Variants in NAALADL2 observed in about 807,000 individuals in gnomAD.
NAALADL2 encodes N-acetylated alpha-linked acidic dipeptidase like 2.
A neutral mutation model predicts 87.2 loss-of-function variants in NAALADL2; 76 were observed. That is an observed-to-expected ratio of 0.87 (90% CI 0.72 to 1.05). The LOEUF (loss-of-function observed/expected upper bound fraction) is 1.05, where lower values mean the gene tolerates loss of function less well. NAALADL2 is among the 50% of genes least tolerant of loss of function. NAALADL2 has a pLI of 0.00. For synonymous variants in NAALADL2, 354 were observed against 331.0 expected (o/e 1.07, Z -0.75); for missense variants, 1,089 against 945.8 (o/e 1.15, Z -1.99).
chr3:174,956,851 A>G (rs539555813), intron 1 of NAALADL2, among the ~76,000 whole-genome samples: 9 of 152,168 alleles, frequency 5.9e-5, no homozygotes, highest in African/African-American at 2.2e-4. Flanking sequence ...AATGAGGATT[A>G]CAAAGGAGAA....
At chr3:174,697,484 G>A (rs915005960) in intron 2 of NAALADL2, among the ~76,000 whole-genome samples, 1 of 151,964 alleles carries the variant, frequency 6.6e-6, no homozygotes, top group African/African-American at 2.4e-5. Context: ...AAGGTTGAAG[G>A]ATGCTTCTTT....
At chr3:174,878,317 C>T (rs146102386) in intron 1 of NAALADL2, among the ~76,000 whole-genome samples, 118 of 152,016 alleles carry the variant, frequency 7.8e-4, no homozygotes, top group Non-Finnish European at 1.5e-3. Context: ...CCATTTTTTT[C>T]TGAGCAATTT....
intron 1 of NAALADL2, among the ~76,000 whole-genome samples, chr3:174,549,899 T>G (rs890868765): frequency 1.3e-5 from 2 of 152,006 alleles, no homozygotes; most frequent in Non-Finnish European, 2.9e-5. Flanking sequence ...TTTTTGTTTT[T>G]TTTTTCCAAT....
At chr3:175,040,833 T>G (rs1352622789) in intron 1 of NAALADL2, among the ~76,000 whole-genome samples, 1 of 152,152 alleles carries the variant, frequency 6.6e-6, no homozygotes, top group Admixed American at 6.6e-5. Flanking sequence ...ATATACAATA[T>G]TTATTCTGCA....
intron 4 of NAALADL2, among the ~76,000 whole-genome samples, chr3:175,271,817 A>G (rs1345409520): frequency 1.3e-5 from 2 of 152,126 alleles, no homozygotes; most frequent in African/African-American, 4.8e-5. Context: ...ATTAAATTAA[A>G]AAGCCGCCAC....
intron 1 of NAALADL2, among the ~76,000 whole-genome samples, chr3:174,532,787 C>A (rs961566448): frequency 6.6e-6 from 1 of 152,044 alleles, no homozygotes; most frequent in East Asian, 1.9e-4. Context: ...CAAACTGTAT[C>A]CCCTGTTGAC....
rs1244400650 is a variant in NAALADL2, at chr3:175,718,195, G to GTTTTT, written c.1897-19087_1897-19083dup. The GTTTTT allele has an allele frequency of 1.1e-4, 90 of 823,386 alleles. 19 individuals are homozygous for GTTTTT. The highest frequency in any genetic ancestry group is 3.2e-4 in the African/African-American group (10 of 31,582). 51.0% of individuals were successfully genotyped at this position (823,386 alleles called of 1,614,324 possible). On this transcript the variant is annotated intron_variant, in intron 11 of 13. Transcript: ENST00000454872. ...TGGAGGGGAAGGGGAAGGGCCTGTG[G>GTTTTT]TTTTTTTTTTTTTTTTTTTTTTTTT...
intron 11 of NAALADL2, among the ~76,000 whole-genome samples, chr3:175,713,923 T>G (rs1740882616): frequency 6.6e-6 from 1 of 152,068 alleles, no homozygotes; most frequent in African/African-American, 2.4e-5. Flanking sequence ...ATGTTCCCCA[T>G]CCTATGTTCA....
At chr3:174,519,060 C>T (rs1720103898) in intron 1 of NAALADL2, among the ~76,000 whole-genome samples, 1 of 152,158 alleles carries the variant, frequency 6.6e-6, no homozygotes, top group Non-Finnish European at 1.5e-5. Context: ...CTGTCTCCAT[C>T]ACCTACCACC....
At chr3:174,970,383 A>T (rs971951957) in intron 1 of NAALADL2, among the ~76,000 whole-genome samples, 9 of 152,348 alleles carry the variant, frequency 5.9e-5, no homozygotes, top group African/African-American at 2.2e-4. Context: ...TCATTAAATA[A>T]AAACAGACTA....
Position 175,146,026 on chromosome 3 carries a change from T to C in NAALADL2, c.545+48735T>C, listed in dbSNP as rs115984736. Among the ~76,000 whole-genome samples, 1,228 of 152,230 alleles carry C rather than the reference T, an allele frequency of 8.1e-3. 20 individuals are homozygous for C. The highest frequency in any genetic ancestry group is 0.027 in the African/African-American group (1,139 of 41,562). Reference sequence around the variant, plus strand: ...ATGTAATTCTCAGTTTCCACCTTTGTCAGAATTCTCACTGTAGAAAATGTG... The same window carrying C: ...ATGTAATTCTCAGTTTCCACCTTTGCCAGAATTCTCACTGTAGAAAATGTG... On this transcript the variant is annotated intron_variant, in intron 2 of 13. Coordinates refer to ENST00000454872, the MANE Select transcript of NAALADL2 (RefSeq NM_207015.3).
intron 1 of NAALADL2, among the ~76,000 whole-genome samples, chr3:175,038,456 T>C (rs775663957): frequency 6.6e-6 from 1 of 152,152 alleles, no homozygotes; most frequent in South Asian, 2.1e-4. Context: ...GTACACACAA[T>C]TGCAAGTTGT....
chr3:175,678,115 G>C (rs1211222992), intron 11 of NAALADL2, among the ~76,000 whole-genome samples: 1 of 152,084 alleles, frequency 6.6e-6, no homozygotes, highest in African/African-American at 2.4e-5. Context: ...TCATGTCAGA[G>C]GTTAAGTTTT....
In NAALADL2 at chr3:175,805,817, T is replaced by G. The variant is rs1185681593; in HGVS notation, c.*2614T>G. The G allele has an allele frequency of 1.3e-5, 2 of 151,764 alleles. No individual in the cohort carries two copies. The highest frequency in any genetic ancestry group is 1.3e-4 in the Admixed American group (2 of 15,174). 9.4% of individuals were successfully genotyped at this position (151,764 alleles called of 1,614,324 possible). A position where few individuals can be genotyped will look rare whatever the true frequency, so the allele number is the denominator to read the frequency against. ...CGGTGAAATTTATGTTCAGGCAGGG[T>G]ACACATGAGATACTGCCCTTTATGG... On this transcript the variant is annotated 3_prime_UTR_variant, in exon 14 of 14. Transcript: ENST00000454872.
At chr3:175,514,276 G>T (rs1487330852) in intron 9 of NAALADL2, among the ~76,000 whole-genome samples, 1 of 152,086 alleles carries the variant, frequency 6.6e-6, no homozygotes, top group Non-Finnish European at 1.5e-5. Context: ...TAAATGGTAG[G>T]TTATGTTGTT....
chr3:175,248,820 T>C (rs1748485537), intron 3 of NAALADL2, among the ~76,000 whole-genome samples: 1 of 152,192 alleles, frequency 6.6e-6, no homozygotes, highest in South Asian at 2.1e-4. Context: ...TATAATCAAC[T>C]GCAATCATAG....
intron 11 of NAALADL2, among the ~76,000 whole-genome samples, chr3:175,735,208 C>G (rs1343025007): frequency 6.6e-6 from 1 of 152,210 alleles, no homozygotes; most frequent in Non-Finnish European, 1.5e-5. Context: ...GCTCCAGTTC[C>G]CAACAAGTTC....
chr3:174,534,443 T>A (rs1721531556), intron 1 of NAALADL2, among the ~76,000 whole-genome samples: 1 of 152,252 alleles, frequency 6.6e-6, no homozygotes, highest in Non-Finnish European at 1.5e-5. Flanking sequence ...AGCAGCTGAA[T>A]GACATTATCA....
At chr3:174,844,835 GTT>G (rs781333758) in intron 3 of NAALADL2, among the ~76,000 whole-genome samples, 260 of 35,392 alleles carry the variant, frequency 7.3e-3, no homozygotes, top group African/African-American at 0.023. Flanking sequence ...AGTTCTAATG[GTT>G]TTTTTTTTTT....
Sources: gnomAD v4.1 joint callset for allele counts (sites outside exome capture counted in the v4.1 genomes callset) on GRCh38, gnomAD v4.1.1 for gene constraint, MANE v1.5 for transcripts, NCBI Gene and HGNC (gene_info 2026-07-23, HGNC 2026-07-21) for gene names.